Variants in SLC9B1 observed in about 807,000 individuals in gnomAD.
The protein encoded by SLC9B1 is solute carrier family 9 member B1.
A neutral mutation model predicts 51.7 loss-of-function variants in SLC9B1; 32 were observed. The observed-to-expected ratio is 0.62, with a 90% CI of 0.47 to 0.83. SLC9B1 has a LOEUF of 0.83. SLC9B1 is among the 40% of genes least tolerant of loss of function. SLC9B1 has a pLI of 0.00. For synonymous variants in SLC9B1, 145 were observed against 212.7 expected (o/e 0.68, Z 2.77); for missense variants, 406 against 613.2 (o/e 0.66, Z 3.57).
chr4:102,900,471 T>A (rs1314569894), downstream of SLC9B1, among the ~76,000 whole-genome samples: 3 of 152,262 alleles, frequency 2.0e-5, no homozygotes, highest in Non-Finnish European at 4.4e-5. Flanking sequence ...TGTGATTTAA[T>A]TTTATTTCTA....
rs1468848471 is a variant in SLC9B1, at chr4:102,901,150, T to C, written c.1515A>G (p.Ile505Met). Residue 505 changes from isoleucine to methionine, a missense_variant, in exon 12 of 12, where the codon ATA becomes ATG. This residue lies in a region of SLC9B1 where 18 missense variants were observed against 35.9 expected (regional missense o/e 0.50). Transcript: ENST00000296422. ...GTTCTAATGTTGACAACTGCAGTTT[T>C]ATTTTGCTTGGATCATAATGGCGTG... ...MLTRHYDPSK[I>M]KLQLSTLEHH is the part of the protein sequence containing the mutation. 1.9e-6 allele frequency: 3 copies of C among 1,611,312 alleles called. No homozygotes were observed. Among genetic ancestry groups the C allele is most frequent in the Middle Eastern group, 2.3e-4 (1 of 4,428 alleles).
chr4:102,949,979 T>TA (rs377046860), intron 3 of SLC9B1, among the ~76,000 whole-genome samples: 30 of 151,418 alleles, frequency 2.0e-4, no homozygotes, highest in Admixed American at 1.3e-3. Context: ...AATAAAAAAA[T>TA]AAAAAAAACC....
At chr4:102,963,166 G>C (rs73838721) in intron 3 of SLC9B1, 1 of 358,794 alleles carries the variant, frequency 2.8e-6, no homozygotes, top group Non-Finnish European at 5.5e-6. Flanking sequence ...GTTTGCAGAG[G>C]TTCAGGTGGT....
chr4:102,963,108 C>T (rs1455593293), intron 3 of SLC9B1: 1 of 375,520 alleles, frequency 2.7e-6, no homozygotes, highest in Non-Finnish European at 5.2e-6. Context: ...TGGTACATGC[C>T]AGATTAAAAC....
At chr4:102,962,779 C>A (rs568415891) in intron 3 of SLC9B1, 7 of 475,662 alleles carry the variant, frequency 1.5e-5, no homozygotes, top group African/African-American at 1.2e-4. Flanking sequence ...AATACTGTTA[C>A]ATTTGCCCTG....
chr4:102,899,765 T>C (rs1332863918), downstream of SLC9B1, among the ~76,000 whole-genome samples: 1 of 152,172 alleles, frequency 6.6e-6, no homozygotes, highest in Non-Finnish European at 1.5e-5. Context: ...ATTTAAATAG[T>C]AGTCAAAACA....
At chr4:102,940,522 C>T (rs1484291672) in intron 6 of SLC9B1, among the ~76,000 whole-genome samples, 3 of 151,698 alleles carry the variant, frequency 2.0e-5, no homozygotes, top group South Asian at 4.2e-4. Context: ...TCATTTGGAG[C>T]CAAAAAAACA....
At chr4:102,978,740 A>T (rs369177012) in intron 3 of SLC9B1, among the ~76,000 whole-genome samples, 1 of 152,200 alleles carries the variant, frequency 6.6e-6, no homozygotes, top group Admixed American at 6.5e-5. Context: ...TTCAACCATT[A>T]TGGAAGTCAG....
chr4:102,935,875 G>C (rs762535963), intron 6 of SLC9B1, among the ~76,000 whole-genome samples: 18 of 152,192 alleles, frequency 1.2e-4, no homozygotes, highest in Non-Finnish European at 1.5e-4. Context: ...ACCCATGCAA[G>C]TATGCAGAAC....
chr4:102,900,603 G>T (rs1267599098), downstream of SLC9B1, among the ~76,000 whole-genome samples: 1 of 152,082 alleles, frequency 6.6e-6, no homozygotes, highest in East Asian at 1.9e-4. Flanking sequence ...ATTTACTCAG[G>T]TAGTCACCAA....
intron 1 of SLC9B1, among the ~76,000 whole-genome samples, chr4:103,012,797 C>T (rs1199130776): frequency 6.6e-6 from 1 of 152,132 alleles, no homozygotes; most frequent in African/African-American, 2.4e-5. Flanking sequence ...ACATTGTATT[C>T]TCTGAAGGGA....
At chr4:102,941,129 T>A (rs1736974883) in intron 6 of SLC9B1, among the ~76,000 whole-genome samples, 1 of 151,956 alleles carries the variant, frequency 6.6e-6, no homozygotes, top group African/African-American at 2.4e-5. Context: ...CAAAAACAAT[T>A]GCAACAAAAA....
intron 3 of SLC9B1, among the ~76,000 whole-genome samples, chr4:102,982,372 G>A (rs535701831): frequency 9.2e-5 from 14 of 152,058 alleles, no homozygotes; most frequent in African/African-American, 2.9e-4. Context: ...TTTCAATGTC[G>A]AGTTGGCTTT....
chr4:102,985,226 T>C (rs1739551360), intron 3 of SLC9B1, among the ~76,000 whole-genome samples: 2 of 152,200 alleles, frequency 1.3e-5, no homozygotes. Context: ...AAACACATAG[T>C]TCGGTCTTAT....
chr4:102,986,581 T>A (rs1278730172), intron 3 of SLC9B1, among the ~76,000 whole-genome samples: 1 of 152,184 alleles, frequency 6.6e-6, no homozygotes, highest in Admixed American at 6.5e-5. Context: ...TCTGTCTTCC[T>A]TTTCCTTTTG....
At chr4:103,003,934 C>G (rs774347149) in intron 1 of SLC9B1, among the ~76,000 whole-genome samples, 5 of 152,048 alleles carry the variant, frequency 3.3e-5, no homozygotes, top group Non-Finnish European at 7.4e-5. Context: ...AAGATAAAAG[C>G]AAAAAGCCCC....
chr4:102,971,631 C>A (rs1306470244), intron 3 of SLC9B1, among the ~76,000 whole-genome samples: 1 of 152,126 alleles, frequency 6.6e-6, no homozygotes, highest in Non-Finnish European at 1.5e-5. Context: ...CAAGAAATAA[C>A]TAAGATCAGA....
At chr4:102,888,633 CT>C (rs1310969940) in intron 11 of SLC9B1, 5 of 152,226 alleles carry the variant, frequency 3.3e-5, no homozygotes, top group Non-Finnish European at 5.9e-5. Context: ...CATTACTACT[CT>C]CATAATAGCT....
At chr4:102,922,584 C>A (rs562307526) in intron 7 of SLC9B1, among the ~76,000 whole-genome samples, 1 of 151,902 alleles carries the variant, frequency 6.6e-6, no homozygotes, top group Non-Finnish European at 1.5e-5. Context: ...GATACAGACA[C>A]AAAAAACCCT....
Sources: allele counts gnomAD v4.1 joint callset (sites outside exome capture counted in the v4.1 genomes callset), GRCh38; gene constraint gnomAD v4.1.1; regional missense constraint gnomAD v4.1.1; transcripts MANE v1.5; gene names NCBI Gene and HGNC (gene_info 2026-07-23, HGNC 2026-07-21).